Variants in KDM4C observed in about 807,000 individuals in gnomAD.
The protein encoded by KDM4C is lysine demethylase 4C.
Under a neutral mutation model 129.3 loss-of-function variants are expected in KDM4C, and 81 were observed. The ratio of observed to expected loss-of-function variants is 0.63; its 90% confidence interval spans 0.52 to 0.75. KDM4C has a LOEUF of 0.75. KDM4C is among the 30% of genes least tolerant of loss of function. KDM4C has a pLI of 0.00. For synonymous variants in KDM4C, 573 were observed against 456.1 expected, an observed-to-expected ratio of 1.26 and a Z score of -3.26; for missense variants, 1,457 against 1,304.0, an observed-to-expected ratio of 1.12 and a Z score of -1.81.
At chr9:6,838,550 T>G (rs1223181380) in intron 4 of KDM4C, among the ~76,000 whole-genome samples, 1 of 152,174 alleles carries the variant, frequency 6.6e-6, no homozygotes, top group Non-Finnish European at 1.5e-5. Context: ...TCCCCATTTT[T>G]TCTCTGTCCT....
At chr9:7,011,934 C>A in intron 13 of KDM4C, 55 bp downstream of exon 13, 1 of 1,424,778 alleles carries the variant, frequency 7.0e-7, no homozygotes. Flanking sequence ...CATGTGACCA[C>A]ATACCACAAG....
intron 17 of KDM4C, among the ~76,000 whole-genome samples, chr9:7,063,430 A>G (rs1831992646): frequency 1.3e-5 from 2 of 152,328 alleles, no homozygotes; most frequent in East Asian, 3.9e-4. Context: ...ATAAATTCCT[A>G]TAAGCTCTTG....
intron 19 of KDM4C, among the ~76,000 whole-genome samples, chr9:7,155,492 G>C (rs556814802): frequency 3.3e-5 from 5 of 151,962 alleles, no homozygotes; most frequent in Non-Finnish European, 7.4e-5. Flanking sequence ...TTTCTCCTAA[G>C]GCTATCCCTC....
intron 1 of KDM4C, chr9:6,721,303 T>G: frequency 7.7e-6 from 1 of 129,280 alleles, no homozygotes; most frequent in Non-Finnish European, 1.6e-5. Flanking sequence ...TGAGACAGAG[T>G]CTCTCTCTCT....
At chr9:7,170,036 A>C in intron 21 of KDM4C, 146 bp downstream of exon 21, 1 of 1,527,102 alleles carries the variant, frequency 6.5e-7, no homozygotes, top group African/African-American at 1.4e-5. Context: ...AGTGGAACCT[A>C]TTGAATGCAA....
At chr9:7,048,436 T>G (rs1021910887) in intron 16 of KDM4C, among the ~76,000 whole-genome samples, 19 of 152,078 alleles carry the variant, frequency 1.2e-4, no homozygotes, top group African/African-American at 4.3e-4. Flanking sequence ...TATATTTATT[T>G]TGGGATATAA....
chr9:6,842,154 C>T (rs1837049715), intron 4 of KDM4C, among the ~76,000 whole-genome samples: 1 of 152,102 alleles, frequency 6.6e-6, no homozygotes, highest in Middle Eastern at 3.2e-3. Flanking sequence ...CATTTTAAAG[C>T]AGTAAGCTCA....
At chr9:6,859,342 G>C (rs1466158584) in intron 5 of KDM4C, among the ~76,000 whole-genome samples, 2 of 151,856 alleles carry the variant, frequency 1.3e-5, no homozygotes, top group African/African-American at 4.8e-5. Context: ...CGACGTAGTG[G>C]CCCACGCCTG....
At chr9:6,809,042 C>T (rs1465097897) in intron 3 of KDM4C, among the ~76,000 whole-genome samples, 3 of 152,092 alleles carry the variant, frequency 2.0e-5, no homozygotes, top group Non-Finnish European at 2.9e-5. Flanking sequence ...TAGGTATCTT[C>T]CTTTAAAAAA....
At chr9:7,052,523 T>C (rs1234915457) in intron 17 of KDM4C, among the ~76,000 whole-genome samples, 1 of 152,182 alleles carries the variant, frequency 6.6e-6, no homozygotes, top group Non-Finnish European at 1.5e-5. Context: ...GTAACAGATC[T>C]AATTCACACA....
At chr9:6,994,216 C>T (rs1376652311) in intron 12 of KDM4C, among the ~76,000 whole-genome samples, 1 of 152,034 alleles carries the variant, frequency 6.6e-6, no homozygotes, top group Non-Finnish European at 1.5e-5. Context: ...TTCTGCTCAC[C>T]CCTTGCTGTG....
At chr9:6,731,820 G>C (rs1325117430) in intron 1 of KDM4C, among the ~76,000 whole-genome samples, 1 of 152,082 alleles carries the variant, frequency 6.6e-6, no homozygotes, top group Non-Finnish European at 1.5e-5. Flanking sequence ...TGGGTTTCTG[G>C]CCTCAGTGTG....
At chr9:6,867,009 ATATATATATT>A (rs1436730402) in intron 5 of KDM4C, among the ~76,000 whole-genome samples, 10 of 99,146 alleles carry the variant, frequency 1.0e-4, no homozygotes, top group African/African-American at 4.9e-4. Context: ...GTATATATAT[ATATATATATT>A]TTTTTTTTTT....
chr9:6,760,344 T>G (rs181441899), intron 1 of KDM4C, among the ~76,000 whole-genome samples: 19 of 152,170 alleles, frequency 1.2e-4, no homozygotes, highest in Non-Finnish European at 4.4e-5. Flanking sequence ...TGTTTATTCA[T>G]CAGTTGGTAG....
chr9:6,930,771 T>C (rs1225298965), intron 8 of KDM4C, among the ~76,000 whole-genome samples: 1 of 150,086 alleles, frequency 6.7e-6, no homozygotes, highest in East Asian at 1.9e-4. Flanking sequence ...TATTCATGTA[T>C]CATTCTTTCA....
At position 7,105,304 on chromosome 9, in the gene KDM4C, C is replaced by G. The variant is rs7873717; in HGVS notation, c.2610+1434C>G. 121 of 369,556 alleles carry G rather than the reference C, an allele frequency of 3.3e-4. 1 individual carries two copies. Among genetic ancestry groups the G allele is most frequent in the African/African-American group, 2.4e-3 (115 of 47,464 alleles). 22.9% of individuals were successfully genotyped at this position (369,556 alleles called of 1,614,324 possible). Reference sequence around the variant, plus strand: ...GTTGGTGTTCACACTTAGATTCTGCCAGTAACAGATTGTGCAACCCTGTGC... The same window carrying G: ...GTTGGTGTTCACACTTAGATTCTGCGAGTAACAGATTGTGCAACCCTGTGC... On this transcript the variant is annotated intron_variant, in intron 18 of 21. Transcript: ENST00000381309.
intron 17 of KDM4C, among the ~76,000 whole-genome samples, chr9:7,101,379 G>A (rs542475292): frequency 6.6e-6 from 1 of 152,154 alleles, no homozygotes; most frequent in African/African-American, 2.4e-5. Flanking sequence ...GAAAATGGGG[G>A]TCTGAAATAC....
At chr9:7,024,442 C>CATG (rs1825442760) in intron 15 of KDM4C, among the ~76,000 whole-genome samples, 1 of 151,656 alleles carries the variant, frequency 6.6e-6, no homozygotes, top group Non-Finnish European at 1.5e-5. Context: ...ATTAACCTGT[C>CATG]ATTTAGCATT....
At position 7,174,845 on chromosome 9, in the gene KDM4C, GAC is replaced by G. The variant is rs1029299165; in HGVS notation, c.*118_*119del. 15 of 832,844 alleles carry G rather than the reference GAC, an allele frequency of 1.8e-5. No individual in the cohort carries two copies. The African/African-American group carries it at 2.2e-4, about 12-fold the overall frequency. The allele number at this position is 832,844 out of a possible 1,614,324, so 51.6% of individuals were successfully genotyped here. A position where few individuals can be genotyped will look rare whatever the true frequency, so the allele number is the denominator to read the frequency against. On this transcript the variant is annotated 3_prime_UTR_variant, in exon 22 of 22. Coordinates refer to ENST00000381309, the MANE Select transcript of KDM4C (RefSeq NM_015061.6). Reference sequence around the variant, plus strand: ...GGCATAGGTGACAGGGTGTGTCTCTGACAGTGGTAAATCGGGTTTCCAGAGTT... The same window carrying G: ...GGCATAGGTGACAGGGTGTGTCTCTGAGTGGTAAATCGGGTTTCCAGAGTT...
Sources: allele counts gnomAD v4.1 joint callset (sites outside exome capture counted in the v4.1 genomes callset), GRCh38; gene constraint gnomAD v4.1.1; transcripts MANE v1.5; gene names NCBI Gene and HGNC (gene_info 2026-07-23, HGNC 2026-07-21).